Variants in TRA2A observed in about 807,000 individuals in gnomAD.
The protein encoded by TRA2A is transformer-2 protein homolog alpha.
A neutral mutation model predicts 45.7 loss-of-function variants in TRA2A; 31 were observed. The ratio of observed to expected loss-of-function variants is 0.68; its 90% CI spans 0.51 to 0.92. TRA2A has a LOEUF of 0.92. TRA2A is among the 40% of genes least tolerant of loss of function. The probability of loss-of-function intolerance (pLI) is 0.00; values close to 1 mark genes in which losing one functional copy is unlikely to be tolerated. For synonymous variants in TRA2A, 132 were observed against 126.2 expected (o/e 1.05, Z -0.31); for missense variants, 304 against 367.5 (o/e 0.83, Z 1.41).
intron 4 of TRA2A, among the ~76,000 whole-genome samples, chr7:23,510,250 A>C (rs746512820): frequency 1.3e-5 from 2 of 152,104 alleles, no homozygotes; most frequent in Admixed American, 6.6e-5. Context: ...ACATATTGTC[A>C]CCTAGTGAAC....
intron 2 of TRA2A, among the ~76,000 whole-genome samples, chr7:23,520,708 A>T (rs375179892): frequency 6.0e-4 from 81 of 135,850 alleles, no homozygotes; most frequent in South Asian, 3.7e-3. Flanking sequence ...TTTTTTTTTT[A>T]AAAAGAAAGA....
In TRA2A at chr7:23,505,530, A is replaced by AG. The variant is rs1562783204; in HGVS notation, c.*28_*29insC. Reference sequence around the variant, plus strand: ...AAAAAAAAAAAAAAAAGAGGAAAAAAAATGTCCTTAATTGCAACCATTCCG... The same window carrying AG: ...AAAAAAAAAAAAAAAAGAGGAAAAAAGAATGTCCTTAATTGCAACCATTCCG... On this transcript the variant is annotated 3_prime_UTR_variant, in exon 8 of 8. Coordinates refer to ENST00000297071, the MANE Select transcript of TRA2A (RefSeq NM_013293.5). The AG allele has an allele frequency of 2.0e-6, 1 of 501,158 alleles. No individual in the cohort carries two copies. Among genetic ancestry groups the AG allele is most frequent in the Non-Finnish European group, 3.6e-6 (1 of 277,950 alleles). The allele number at this position is 501,158 out of a possible 1,614,324, so 31.0% of individuals were successfully genotyped here. A position where few individuals can be genotyped will look rare whatever the true frequency, so the allele number is the denominator to read the frequency against.
At chr7:23,508,179 GAACT>G (rs1056025690) in intron 4 of TRA2A, among the ~76,000 whole-genome samples, 3 of 148,110 alleles carry the variant, frequency 2.0e-5, no homozygotes, top group Admixed American at 6.9e-5. Flanking sequence ...TATTGAGACT[GAACT>G]AATAAAAGTA....
intron 4 of TRA2A, among the ~76,000 whole-genome samples, chr7:23,511,370 CAAAAAAAAAAAAAAAAAAAAAAAAAA>C (rs567187750): frequency 0.17 from 6,726 of 40,018 alleles, 336 homozygotes; most frequent in Middle Eastern, 0.31. Context: ...GACTCCATCT[CAAAAAAAAAAAAAAAAAAAAAAAAAA>C]AAAAAAAAAA....
chr7:23,508,353 A>C (rs990249931), intron 4 of TRA2A, among the ~76,000 whole-genome samples: 2 of 150,502 alleles, frequency 1.3e-5, no homozygotes, highest in Admixed American at 6.6e-5. Flanking sequence ...CTGTGGCCTC[A>C]AACTTCTTGG....
intron 2 of TRA2A, among the ~76,000 whole-genome samples, chr7:23,520,630 C>T (rs1790091432): frequency 6.6e-6 from 1 of 151,836 alleles, no homozygotes; most frequent in Admixed American, 6.6e-5. Context: ...TAAAATCTAT[C>T]CCTCCACCCA....
At chr7:23,505,602 A>AAAAAAAAAAT (rs1789292833) in intron 7 of TRA2A, 33 bp from the exon 8 acceptor site, 1 of 605,426 alleles carries the variant, frequency 1.7e-6, no homozygotes, top group African/African-American at 1.9e-5. Context: ...AAAAAAAAAA[A>AAAAAAAAAAT]AAAAAAGTTA....
At chr7:23,508,888 T>C (rs1789463829) in intron 4 of TRA2A, among the ~76,000 whole-genome samples, 1 of 152,166 alleles carries the variant, frequency 6.6e-6, no homozygotes, top group African/African-American at 2.4e-5. Context: ...GCCTCCCAAA[T>C]AGCATGAGCC....
At chr7:23,510,589 A>C (rs1216578739) in intron 4 of TRA2A, among the ~76,000 whole-genome samples, 1 of 152,114 alleles carries the variant, frequency 6.6e-6, no homozygotes, top group Non-Finnish European at 1.5e-5. Context: ...CAGCCTCCCG[A>C]AGTGCTGGGA....
chr7:23,516,246 G>A (rs1789864877), intron 3 of TRA2A, 117 bp downstream of exon 3: 4 of 932,274 alleles, frequency 4.3e-6, no homozygotes, highest in Non-Finnish European at 6.4e-6. Flanking sequence ...GCTTATTAAG[G>A]ATGTTTCCAG....
intron 2 of TRA2A, among the ~76,000 whole-genome samples, chr7:23,519,646 G>C (rs954642310): frequency 6.6e-6 from 1 of 152,078 alleles, no homozygotes. Context: ...ACTGTCCTCA[G>C]TAATTCCCTA....
chr7:23,518,753 T>C (rs1319339046), intron 2 of TRA2A, among the ~76,000 whole-genome samples: 1 of 150,442 alleles, frequency 6.6e-6, no homozygotes, highest in Admixed American at 6.6e-5. Context: ...GGCCTGATCT[T>C]GGCTCACTGC....
intron 5 of TRA2A, 125 bp downstream of exon 5, chr7:23,507,295 G>T: frequency 4.2e-6 from 3 of 719,588 alleles, no homozygotes; most frequent in Non-Finnish European, 7.1e-6. Context: ...TAGAAGCAGG[G>T]TTTTGCCATG....
rs200645947 is a variant in TRA2A at position 23,506,143 on chromosome 7, T to A, written c.765A>T (p.Arg255=). The A allele has an allele frequency of 8.1e-6, 13 of 1,603,268 alleles. No individual in the cohort carries two copies. In the East Asian group the frequency reaches 2.9e-4, roughly 36 times the overall value. Residue 255 remains arginine, a synonymous_variant, in exon 6 of 8, where the codon CGA becomes CGT. Transcript: ENST00000297071. ...AGCTCAAGTTAAAACATTACCTGTATCGGTAATCATAGTCTTCATATCTGT... is the reference window on the plus strand; with the variant it reads ...AGCTCAAGTTAAAACATTACCTGTAACGGTAATCATAGTCTTCATATCTGT... ...GYDRYEDYDY[R]YRRRSPSPYY...
chr7:23,518,682 T>TGG, intron 2 of TRA2A, among the ~76,000 whole-genome samples: 1 of 134,648 alleles, frequency 7.4e-6, no homozygotes, highest in Non-Finnish European at 1.7e-5. Flanking sequence ...CTTGTTTTTT[T>TGG]TTTTTTTTCC....
intron 4 of TRA2A, among the ~76,000 whole-genome samples, chr7:23,510,267 G>T (rs1323051675): frequency 6.6e-6 from 1 of 152,098 alleles, no homozygotes; most frequent in Non-Finnish European, 1.5e-5. Flanking sequence ...GAACTAAAAG[G>T]AACTTCTAAT....
At position 23,517,623 on chromosome 7, in the gene TRA2A, A is replaced by T. The variant is rs188376857; in HGVS notation, c.171-1095T>A. Among the ~76,000 whole-genome samples the T allele has an allele frequency of 4.8e-4, 72 of 150,528 alleles. No individual in the cohort carries two copies. The East Asian group carries it at 8.7e-3, about 18-fold the overall frequency. On this transcript the variant is annotated intron_variant, in intron 2 of 7. Transcript: ENST00000297071. ...CAGAAACAAAGACAAAACAAAACAA[A>T]AAAAATCAGGCTGGGCGCAGTGGCT... is the stretch of plus-strand genomic sequence containing the variant.
At chr7:23,526,203 T>A (rs17778698) in intron 1 of TRA2A, among the ~76,000 whole-genome samples, 7,110 of 152,264 alleles carry the variant, frequency 0.047, 243 homozygotes, top group Middle Eastern at 0.086. Context: ...ATAGCCTGTG[T>A]CATACTATAA....
At chr7:23,518,157 T>C (rs2127996800) in intron 2 of TRA2A, among the ~76,000 whole-genome samples, 1 of 152,148 alleles carries the variant, frequency 6.6e-6, no homozygotes, top group Middle Eastern at 3.4e-3. Flanking sequence ...CAGGCTGGTC[T>C]TGAAGTCCTG....
Sources: gnomAD v4.1 joint callset for allele counts (sites outside exome capture counted in the v4.1 genomes callset) on GRCh38, gnomAD v4.1.1 for gene constraint, MANE v1.5 for transcripts, NCBI Gene and HGNC (gene_info 2026-07-23, HGNC 2026-07-21) for gene names.